Variants in USP8 observed in about 807,000 individuals in gnomAD.
USP8 encodes ubiquitin carboxyl-terminal hydrolase 8.
A neutral mutation model predicts 130.0 loss-of-function variants in USP8; 27 were observed. That is an observed-to-expected ratio of 0.21 (90% confidence interval 0.15 to 0.29). The LOEUF is 0.29. USP8 is among the 10% of genes least tolerant of loss of function. The probability of loss-of-function intolerance (pLI) is 1.00; values close to 1 mark genes in which losing one functional copy is unlikely to be tolerated. For synonymous variants in USP8, 392 were observed against 444.1 expected (o/e 0.88, Z 1.48); for missense variants, 1,029 against 1,312.2 (o/e 0.78, Z 3.33).
chr15:50,457,837 G>A (rs2050842175), intron 4 of USP8, among the ~76,000 whole-genome samples: 2 of 147,126 alleles, frequency 1.4e-5, no homozygotes, highest in Admixed American at 6.8e-5. Context: ...CTCCAGCCTG[G>A]GTGACAGAGC....
At chr15:50,436,591 G>T (rs984779608) in intron 1 of USP8, among the ~76,000 whole-genome samples, 1 of 151,800 alleles carries the variant, frequency 6.6e-6, no homozygotes, top group East Asian at 1.9e-4. Context: ...CTCACCTCCC[G>T]GGTTCAAGTG....
At chr15:50,458,461 A>G (rs906073425) in intron 4 of USP8, 2 of 154,734 alleles carry the variant, frequency 1.3e-5, no homozygotes, top group African/African-American at 4.8e-5. Flanking sequence ...CCTATAATTT[A>G]GTAGGGAATA....
In USP8 at chr15:50,503,642, A is replaced by T. The variant is rs987130592; in HGVS notation, c.*4554A>T. ...CATTCCTGGGAATTTGTCACCATAG[A>T]CCTACCTTTTCACCAGTTTGGGATT... On this transcript the variant is annotated 3_prime_UTR_variant, in exon 20 of 20. Transcript: ENST00000307179. 6.6e-6 allele frequency: 1 copy of T among 152,176 alleles called. No individual in the cohort carries two copies. Among genetic ancestry groups the T allele is most frequent in the Admixed American group, 6.5e-5 (1 of 15,274 alleles). The allele number at this position is 152,176 out of a possible 1,614,324, so 9.4% of individuals were successfully genotyped here.
Position 50,492,712 on chromosome 15 carries a change from A to C in USP8, c.2246A>C (p.Tyr749Ser). The C allele has an allele frequency of 6.2e-7, 1 of 1,613,704 alleles. No homozygotes were observed. Among genetic ancestry groups the C allele is most frequent in the Non-Finnish European group, 8.5e-7 (1 of 1,180,000 alleles). ...TVNRENKPTC[Y>S]PKAEISRLSA... ...TTTTTCTTCCTCAGGCCAACATGTTATCCTAAAGCTGAGATCTCAAGGCTT... is the reference window on the plus strand; with the variant it reads ...TTTTTCTTCCTCAGGCCAACATGTTCTCCTAAAGCTGAGATCTCAAGGCTT... Residue 749 changes from tyrosine to serine, a missense_variant, in exon 15 of 20, where the codon TAT becomes TCT. Transcript: ENST00000307179.
Position 50,465,071 on chromosome 15 carries a change from A to G in USP8, c.566A>G (p.Tyr189Cys). 1 of 1,614,166 alleles carries G rather than the reference A, an allele frequency of 6.2e-7. No homozygotes were observed. Among genetic ancestry groups the G allele is most frequent in the Non-Finnish European group, 8.5e-7 (1 of 1,180,018 alleles). Reference sequence around the variant, plus strand: ...GGAGCAATCACAGCAAAGGAACTATACACAATGATGACGGATAAAAACATC... The same window carrying G: ...GGAGCAATCACAGCAAAGGAACTATGCACAATGATGACGGATAAAAACATC... ...EKGAITAKEL[Y>C]TMMTDKNISL... The change falls in exon 7 of 20, where the codon TAC becomes TGC. Residue 189 changes from tyrosine (Y) to cysteine (C), a missense_variant. Tyr to Cys is a radical substitution (Grantham distance 194). This residue lies in a region of USP8 where 281 missense variants were observed against 336.7 expected (regional missense o/e 0.83). Transcript: ENST00000307179.
intron 1 of USP8, among the ~76,000 whole-genome samples, chr15:50,437,426 A>C (rs887616985): frequency 6.6e-6 from 1 of 152,228 alleles, no homozygotes. Context: ...CTTTATATAG[A>C]GTATCGTATT....
At chr15:50,441,613 C>G in intron 3 of USP8, 120 bp downstream of exon 3, 1 of 799,188 alleles carries the variant, frequency 1.3e-6, no homozygotes, top group East Asian at 2.9e-5. Context: ...AGCATGATCT[C>G]ATGTAGATAG....
intron 10 of USP8, among the ~76,000 whole-genome samples, chr15:50,479,364 A>G (rs994651813): frequency 6.6e-6 from 1 of 152,162 alleles, no homozygotes; most frequent in Non-Finnish European, 1.5e-5. Context: ...CAGTTTTGGC[A>G]TATGTGGGCG....
chr15:50,437,197 T>C (rs1289015468), intron 1 of USP8, among the ~76,000 whole-genome samples: 1 of 152,182 alleles, frequency 6.6e-6, no homozygotes, highest in Non-Finnish European at 1.5e-5. Flanking sequence ...TTATATGTTA[T>C]AAAGCATGAT....
chr15:50,482,694 T>C (rs2051817989), intron 11 of USP8, among the ~76,000 whole-genome samples: 1 of 152,228 alleles, frequency 6.6e-6, no homozygotes, highest in Admixed American at 6.5e-5. Flanking sequence ...TTTTTCTTCA[T>C]TATGTCATTA....
chr15:50,432,826 G>A (rs2049973841), intron 1 of USP8, among the ~76,000 whole-genome samples: 1 of 152,020 alleles, frequency 6.6e-6, no homozygotes, highest in East Asian at 1.9e-4. Context: ...TAAAAACACT[G>A]CCCTCAAGCA....
chr15:50,492,851 A>T lies in USP8; in HGVS notation c.2385A>T (p.Leu795=). 1.2e-6 allele frequency: 2 copies of T among 1,614,134 alleles called. No homozygotes were observed. The highest frequency in any genetic ancestry group is 1.7e-6 in the Non-Finnish European group (2 of 1,180,020). ...ATATGAACTCAATATTGCAGTGCCT[A>T]TGTAACGCTCCACATTTGGCTGATT... The part of the protein sequence containing the change: ...TCYMNSILQC[L]CNAPHLADYF... The change falls in exon 15 of 20, where the codon CTA becomes CTT. Residue 795 remains leucine, a synonymous_variant. Transcript: ENST00000307179.
chr15:50,476,757 C>T, intron 8 of USP8, 92 bp from the exon 9 acceptor site: 7 of 1,368,874 alleles, frequency 5.1e-6, no homozygotes, highest in South Asian at 3.7e-5. Flanking sequence ...AAATTTTGTC[C>T]TTAAGGGAAC....
intron 18 of USP8, 79 bp from the exon 19 acceptor site, chr15:50,498,517 A>G: frequency 6.9e-7 from 1 of 1,454,218 alleles, no homozygotes; most frequent in Non-Finnish European, 9.1e-7. Flanking sequence ...AGTCCTGGCT[A>G]AAAATCTAGA....
intron 8 of USP8, among the ~76,000 whole-genome samples, chr15:50,474,573 A>G (rs2051496592): frequency 6.6e-6 from 1 of 152,242 alleles, no homozygotes; most frequent in Non-Finnish European, 1.5e-5. Flanking sequence ...GTGAATGATT[A>G]GTGTATGATA....
rs537445074 is a variant in USP8 at position 50,466,706 on chromosome 15, G to A, written c.686+1515G>A. ...GCTGTACTGCTGTTGCTCTCGCAGA[G>A]GAACCGGTCGGTCAGGAAGCCGCAC... On this transcript the variant is annotated intron_variant, in intron 7 of 19. Transcript: ENST00000307179. 5 of 205,656 alleles carry A rather than the reference G, an allele frequency of 2.4e-5. No individual in the cohort carries two copies. In the East Asian group the frequency reaches 6.7e-4, roughly 28 times the overall value. 12.7% of individuals were successfully genotyped at this position (205,656 alleles called of 1,614,324 possible).
At chr15:50,486,517 T>A (rs2051967218) in intron 12 of USP8, among the ~76,000 whole-genome samples, 1 of 151,932 alleles carries the variant, frequency 6.6e-6, no homozygotes, top group Admixed American at 6.6e-5. Context: ...TGACATAAAA[T>A]ATATTAAGGC....
At position 50,441,359 on chromosome 15, in the gene USP8, A is replaced by G; in HGVS notation, c.115A>G (p.Ser39Gly). ...EKISTKSYVH[S>G]ALKIFKTAEE... ...TTCTCTAATTTTAAGTTATGTGCAC[A>G]GTGCCCTGAAGATCTTTAAGACAGC... Residue 39 changes from serine (S) to glycine (G), a missense_variant, in exon 3 of 20, where the codon AGT (serine) becomes GGT (glycine). This residue lies in a region of USP8 where 281 missense variants were observed against 336.7 expected (regional missense o/e 0.83). Transcript: ENST00000307179. 1 of 1,591,362 alleles carries G rather than the reference A, an allele frequency of 6.3e-7. No homozygotes were observed. Among genetic ancestry groups the G allele is most frequent in the South Asian group, 1.2e-5 (1 of 86,788 alleles).
intron 11 of USP8, among the ~76,000 whole-genome samples, chr15:50,482,832 G>A (rs192547684): frequency 1.3e-5 from 2 of 152,220 alleles, no homozygotes; most frequent in Admixed American, 6.5e-5. Flanking sequence ...AATGGAAGGC[G>A]GGATACCATC....
Sources: allele counts gnomAD v4.1 joint callset (sites outside exome capture counted in the v4.1 genomes callset), GRCh38; gene constraint gnomAD v4.1.1; regional missense constraint gnomAD v4.1.1; transcripts MANE v1.5; gene names NCBI Gene and HGNC (gene_info 2026-07-23, HGNC 2026-07-21).